KCNT1: variants seen among roughly 807,000 people sequenced by gnomAD.
KCNT1 encodes the protein potassium channel subfamily T member 1.
In KCNT1, 78 loss-of-function variants were observed where a neutral mutation model predicts 147.8. That is an observed-to-expected ratio of 0.53 (90% CI 0.44 to 0.64). KCNT1 has a LOEUF of 0.64. Ranked by LOEUF, KCNT1 falls within the 30% of genes least tolerant of loss-of-function variation. The pLI is 0.00. For missense variants in KCNT1, 1,419 were observed against 1,750.3 expected (o/e 0.81, Z 3.38); for synonymous variants, 867 against 748.8 (o/e 1.16, Z -2.58).
Position 135,730,850 on chromosome 9 carries a change from G to A in KCNT1, c.254+16130G>A, listed in dbSNP as rs1328679593. On this transcript the variant is annotated intron_variant, in intron 2 of 30. Transcript: ENST00000371757. This position sits in a 1 kb window ranked among gnomAD's most constrained non-coding sequence, Gnocchi z 4.7. ...AAAATACAAAACTTAGCCGAGCATG[G>A]TGGTGCATGCCTGTAGTCCCAGCTA... Among the ~76,000 whole-genome samples the A allele has an allele frequency of 6.6e-6, 1 of 152,022 alleles. No homozygotes were observed. Among genetic ancestry groups the A allele is most frequent in the Non-Finnish European group, 1.5e-5 (1 of 67,992 alleles).
Position 135,770,019 on chromosome 9 carries a change from C to A in KCNT1, c.1583C>A (p.Thr528Asn). Residue 528 changes from threonine (T) to asparagine (N), a missense_variant, in exon 16 of 31, where the codon ACC (threonine) becomes AAC (asparagine). Thr to Asn is a moderately conservative substitution (Grantham distance 65, BLOSUM62 0). Around this residue, in one of 5 missense-constraint regions of KCNT1, gnomAD observed 401 missense variants for 610.6 expected, o/e 0.66. Coordinates refer to ENST00000371757, the MANE Select transcript of KCNT1 (RefSeq NM_020822.3). Reference protein sequence around the residue: ...ALNCICPATSTLITLLVHTSR... With the variant: ...ALNCICPATSNLITLLVHTSR... ...AACTGCATCTGCCCGGCGACCTCCA[C>A]CCTCATCACCCTGCTGGTGCACACG... 6.4e-7 allele frequency: 1 copy of A among 1,554,520 alleles called. No individual in the cohort carries two copies. The highest frequency in any genetic ancestry group is 1.2e-5 in the South Asian group (1 of 84,292).
intron 1 of KCNT1, among the ~76,000 whole-genome samples, chr9:135,707,104 G>C (rs1835287576): frequency 6.7e-6 from 1 of 150,186 alleles, no homozygotes; most frequent in Non-Finnish European, 1.5e-5. Context: ...AAGCAACATA[G>C]CAAGACCCCT....
chr9:135,792,419 A>T lies in KCNT1; in HGVS notation c.*258A>T, dbSNP rs1834608554. 1 of 362,924 alleles carries T rather than the reference A, an allele frequency of 2.8e-6. No homozygotes were observed. The highest frequency in any genetic ancestry group is 4.4e-5 in the Admixed American group (1 of 22,680). 22.5% of individuals were successfully genotyped at this position (362,924 alleles called of 1,614,324 possible). A position where few individuals can be genotyped will look rare whatever the true frequency, so the allele number is the denominator to read the frequency against. On this transcript the variant is annotated 3_prime_UTR_variant, in exon 31 of 31. Coordinates refer to ENST00000371757, the MANE Select transcript of KCNT1 (RefSeq NM_020822.3). ...ATGCAGTCCACTTCTCTTTACACAGATGTACCGCAACTCGTGACCAGGGCT... is the reference window on the plus strand; with the variant it reads ...ATGCAGTCCACTTCTCTTTACACAGTTGTACCGCAACTCGTGACCAGGGCT...
At chr9:135,745,480 C>T (rs1830781202) in intron 2 of KCNT1, among the ~76,000 whole-genome samples, 1 of 152,338 alleles carries the variant, frequency 6.6e-6, no homozygotes, top group East Asian at 1.9e-4. Context: ...CACGGTGAGT[C>T]GAAGGCCTGC....
chr9:135,779,561 G>C (rs2131553615), intron 24 of KCNT1, 91 bp downstream of exon 24: 2 of 987,980 alleles, frequency 2.0e-6, no homozygotes, highest in East Asian at 4.8e-5. Flanking sequence ...CAGTGCCATG[G>C]GAGGCTGGGC....
At chr9:135,727,278 A>C (rs1307908396) in intron 2 of KCNT1, among the ~76,000 whole-genome samples, 111 of 31,514 alleles carry the variant, frequency 3.5e-3, no homozygotes, top group South Asian at 5.2e-3. Context: ...TCTCTTTCCC[A>C]TTCTCTCTCT....
At chr9:135,774,155 G>T (rs1832951236) in intron 19 of KCNT1, among the ~76,000 whole-genome samples, 1 of 151,684 alleles carries the variant, frequency 6.6e-6, no homozygotes. Context: ...GTGTGTCTGG[G>T]TGTGTGTGGT....
intron 1 of KCNT1, among the ~76,000 whole-genome samples, chr9:135,703,428 G>A (rs972964041): frequency 1.3e-5 from 2 of 152,208 alleles, no homozygotes; most frequent in Admixed American, 6.5e-5. Flanking sequence ...TCTGGTGAGG[G>A]ACCAGGCTGG....
chr9:135,712,628 AC>A (rs1189170569), intron 1 of KCNT1, among the ~76,000 whole-genome samples: 1 of 152,136 alleles, frequency 6.6e-6, no homozygotes, highest in Non-Finnish European at 1.5e-5. Flanking sequence ...CCCCGAGGAC[AC>A]GGGGAGCAGC....
chr9:135,705,576 C>G (rs1276699009), intron 1 of KCNT1, among the ~76,000 whole-genome samples: 2 of 152,208 alleles, frequency 1.3e-5, no homozygotes, highest in African/African-American at 2.4e-5. Flanking sequence ...TCAGCGTGCC[C>G]GTGCTAGGTG....
At chr9:135,755,249 G>T in intron 6 of KCNT1, 80 bp downstream of exon 6, 1 of 1,279,292 alleles carries the variant, frequency 7.8e-7, no homozygotes, top group Non-Finnish European at 1.1e-6. Flanking sequence ...TCAGTAAGTA[G>T]GGAACCCAGG....
chr9:135,772,663 G>T (rs1277868427), intron 18 of KCNT1, 52 bp from the exon 19 acceptor site: 3 of 1,305,032 alleles, frequency 2.3e-6, no homozygotes, highest in Non-Finnish European at 3.0e-6. Flanking sequence ...GGAACTCGCC[G>T]CCCATGGAGG....
chr9:135,736,256 G>T (rs992849257), intron 2 of KCNT1, among the ~76,000 whole-genome samples: 21 of 152,178 alleles, frequency 1.4e-4, no homozygotes, highest in African/African-American at 4.8e-4. Context: ...TGGTCCGCAG[G>T]CCGGCTGGAG....
At chr9:135,754,281 C>G (rs918458871) in intron 5 of KCNT1, among the ~76,000 whole-genome samples, 1 of 152,228 alleles carries the variant, frequency 6.6e-6, no homozygotes, top group East Asian at 1.9e-4. Context: ...TGCCCTTAGC[C>G]CTGGCTGTGG....
intron 1 of KCNT1, among the ~76,000 whole-genome samples, chr9:135,708,536 G>A (rs1055122101): frequency 3.3e-5 from 5 of 152,138 alleles, no homozygotes; most frequent in Non-Finnish European, 5.9e-5. Context: ...CTTAGCCAAA[G>A]ACAGTCACAA....
intron 14 of KCNT1, 42 bp from the exon 15 acceptor site, chr9:135,768,787 G>T (rs959596278): frequency 1.9e-6 from 3 of 1,576,140 alleles, no homozygotes; most frequent in Non-Finnish European, 2.6e-6. Flanking sequence ...GCAGCCCACA[G>T]AGGCCAGCCC....
Position 135,794,461 on chromosome 9 carries a change from G to A in KCNT1, c.*2300G>A, listed in dbSNP as rs1339206533. On this transcript the variant is annotated 3_prime_UTR_variant, in exon 31 of 31. Transcript: ENST00000371757. ...ATTTTTTCATAATCTCCAGTAATGA[G>A]GCCACTTCGGGTCCAGCCCTGGACA... 1 of 152,374 alleles carries A rather than the reference G, an allele frequency of 6.6e-6. No homozygotes were observed. The highest frequency in any genetic ancestry group is 1.9e-4 in the East Asian group (1 of 5,180). 9.4% of individuals were successfully genotyped at this position (152,374 alleles called of 1,614,324 possible). A position where few individuals can be genotyped will look rare whatever the true frequency, so the allele number is the denominator to read the frequency against.
At chr9:135,787,802 C>G (rs144484299) in intron 29 of KCNT1, among the ~76,000 whole-genome samples, 3 of 152,206 alleles carry the variant, frequency 2.0e-5, no homozygotes. Context: ...GTGGGGCTCA[C>G]GAGGCTGAGG....
intron 2 of KCNT1, among the ~76,000 whole-genome samples, chr9:135,721,932 G>A (rs1835940169): frequency 6.6e-6 from 1 of 152,160 alleles, no homozygotes; most frequent in Non-Finnish European, 1.5e-5. Context: ...GTGGCTCCCG[G>A]GTGGGCTGCA....
Sources: allele counts gnomAD v4.1 joint callset (sites outside exome capture counted in the v4.1 genomes callset), GRCh38; gene constraint gnomAD v4.1.1; regional missense constraint gnomAD v4.1.1; non-coding constraint Gnocchi (gnomAD v3.1); transcripts MANE v1.5; gene names NCBI Gene and HGNC (gene_info 2026-07-23, HGNC 2026-07-21).